The following RIT2 variants were observed in gnomAD, a reference collection of about 807,000 sequenced individuals.
The protein encoded by RIT2 is GTP-binding protein Rit2.
In RIT2, 24 loss-of-function variants were observed where a neutral mutation model predicts 23.7. That is an observed-to-expected ratio of 1.01 (90% CI 0.73 to 1.43). The LOEUF (loss-of-function observed/expected upper bound fraction) is 1.43, where lower values mean the gene tolerates loss of function less well. Ranked by LOEUF, RIT2 falls within the 40% of genes most tolerant of loss-of-function variation. RIT2 has a pLI of 0.00. For missense variants in RIT2, 236 were observed against 266.9 expected, an observed-to-expected ratio of 0.88 and a Z score of 0.81; for synonymous variants, 107 against 91.1, an observed-to-expected ratio of 1.17 and a Z score of -0.99.
chr18:43,057,113 A>T (rs4363930), intron 1 of RIT2, among the ~76,000 whole-genome samples: 135,030 of 151,588 alleles, frequency 0.89, 60,666 homozygotes, highest in Non-Finnish European at 0.97. Context: ...GTAGATATAG[A>T]ATATTGAGTT....
At chr18:42,841,032 T>C (rs1906753736) in intron 4 of RIT2, among the ~76,000 whole-genome samples, 1 of 152,092 alleles carries the variant, frequency 6.6e-6, no homozygotes, top group Admixed American at 6.6e-5. Context: ...TGCTAACCTA[T>C]AAGCTAGCGA....
chr18:42,800,777 C>T (rs1905516968), intron 4 of RIT2, among the ~76,000 whole-genome samples: 1 of 152,022 alleles, frequency 6.6e-6, no homozygotes, highest in Admixed American at 6.5e-5. Flanking sequence ...GTGATCCGCC[C>T]GCCTCGGCCT....
chr18:42,899,245 C>G (rs1429766509), intron 4 of RIT2, among the ~76,000 whole-genome samples: 5 of 150,908 alleles, frequency 3.3e-5, no homozygotes, highest in African/African-American at 7.3e-5. Context: ...TAAGAATTAA[C>G]CAAGGAAAGC....
intron 4 of RIT2, among the ~76,000 whole-genome samples, chr18:42,902,113 A>G: frequency 6.6e-6 from 1 of 152,050 alleles, no homozygotes; most frequent in Middle Eastern, 3.4e-3. Context: ...TGTAATGAGT[A>G]CATTGTTAAT....
intron 4 of RIT2, among the ~76,000 whole-genome samples, chr18:42,813,276 G>A (rs992837196): frequency 3.3e-5 from 5 of 152,074 alleles, no homozygotes; most frequent in East Asian, 1.9e-4. Context: ...TGACTTTATC[G>A]TTAACAAAGA....
At chr18:42,857,535 A>G (rs1318639826) in intron 4 of RIT2, among the ~76,000 whole-genome samples, 1 of 152,198 alleles carries the variant, frequency 6.6e-6, no homozygotes, top group Admixed American at 6.5e-5. Flanking sequence ...TACTAAAAAT[A>G]CCTTATTATA....
chr18:42,944,073 G>T (rs113725967), intron 3 of RIT2, among the ~76,000 whole-genome samples: 1 of 152,046 alleles, frequency 6.6e-6, no homozygotes, highest in Non-Finnish European at 1.5e-5. Flanking sequence ...TGTAAGCCAC[G>T]TCACGTCCCT....
intron 3 of RIT2, among the ~76,000 whole-genome samples, chr18:42,965,155 C>T (rs550527577): frequency 6.6e-6 from 1 of 152,206 alleles, no homozygotes; most frequent in South Asian, 2.1e-4. Context: ...GATCCATGTC[C>T]AATACTGAAT....
chr18:42,818,123 T>G (rs1026752307), intron 4 of RIT2, among the ~76,000 whole-genome samples: 3 of 152,154 alleles, frequency 2.0e-5, no homozygotes, highest in East Asian at 3.9e-4. Context: ...TATGCTTAAT[T>G]GTTAACATAA....
intron 1 of RIT2, among the ~76,000 whole-genome samples, chr18:43,066,193 C>CA (rs987235975): frequency 1.3e-5 from 2 of 152,090 alleles, no homozygotes; most frequent in Admixed American, 1.3e-4. Flanking sequence ...ATCATCATTA[C>CA]AAAAAATGTA....
At chr18:42,795,123 T>C (rs1056238702) in intron 4 of RIT2, among the ~76,000 whole-genome samples, 23 of 152,342 alleles carry the variant, frequency 1.5e-4, no homozygotes, top group Admixed American at 5.2e-4. Flanking sequence ...CGGCACCTCC[T>C]CTGCCTGGGC....
At position 42,743,270 on chromosome 18, in the gene RIT2, A is replaced by G; in HGVS notation, c.*223T>C. 1.8e-6 allele frequency: 1 copy of G among 558,054 alleles called. No homozygotes were observed. 34.6% of individuals were successfully genotyped at this position (558,054 alleles called of 1,614,324 possible). ...AATTTTATTTAGTACTATGTTGTAA[A>G]AACTAAACAGCATATCCAGCTGATT... On this transcript the variant is annotated 3_prime_UTR_variant, in exon 5 of 5. Coordinates refer to ENST00000326695, the MANE Select transcript of RIT2 (RefSeq NM_002930.4).
intron 4 of RIT2, among the ~76,000 whole-genome samples, chr18:42,916,646 A>G (rs2144125112): frequency 6.6e-6 from 1 of 152,194 alleles, no homozygotes; most frequent in Middle Eastern, 3.4e-3. Flanking sequence ...TAACCCAAAG[A>G]CTATTACAAT....
At chr18:42,922,437 A>G (rs182921552) in intron 4 of RIT2, among the ~76,000 whole-genome samples, 1 of 152,290 alleles carries the variant, frequency 6.6e-6, no homozygotes, top group African/African-American at 2.4e-5. Context: ...AAGGTCAACG[A>G]AAAGAAAGAT....
At chr18:42,826,140 T>C (rs1168688245) in intron 4 of RIT2, among the ~76,000 whole-genome samples, 1 of 152,084 alleles carries the variant, frequency 6.6e-6, no homozygotes, top group East Asian at 1.9e-4. Context: ...TGTATATTTA[T>C]TTGAGAGTGA....
At chr18:42,906,211 C>T (rs192677041) in intron 4 of RIT2, among the ~76,000 whole-genome samples, 37 of 151,946 alleles carry the variant, frequency 2.4e-4, no homozygotes, top group Admixed American at 2.3e-3. Context: ...AAGACATATG[C>T]AATTATATGC....
At chr18:43,026,620 G>GAAAGAAAGAAAGAAAGAA (rs1911733936) in intron 2 of RIT2, among the ~76,000 whole-genome samples, 1 of 141,850 alleles carries the variant, frequency 7.0e-6, no homozygotes, top group South Asian at 2.4e-4. Context: ...AAGAAAGAAA[G>GAAAGAAAGAAAGAAAGAA]AAAGAAAGAA....
At chr18:42,829,257 G>T (rs1294426148) in intron 4 of RIT2, among the ~76,000 whole-genome samples, 1 of 152,058 alleles carries the variant, frequency 6.6e-6, no homozygotes, top group African/African-American at 2.4e-5. Context: ...TCACCTTAAA[G>T]ACATATATGA....
chr18:43,048,620 CG>C (rs1261690690), intron 1 of RIT2, among the ~76,000 whole-genome samples: 1 of 152,050 alleles, frequency 6.6e-6, no homozygotes, highest in Non-Finnish European at 1.5e-5. Context: ...ACCAGACAAT[CG>C]TAAGTTCTTG....
Sources: allele counts gnomAD v4.1 joint callset (sites outside exome capture counted in the v4.1 genomes callset), GRCh38; gene constraint gnomAD v4.1.1; transcripts MANE v1.5; gene names NCBI Gene and HGNC (gene_info 2026-07-23, HGNC 2026-07-21).